The following BABAM2 variants were observed in gnomAD, a reference collection of about 807,000 sequenced individuals.
The protein encoded by BABAM2 is BRISC and BRCA1-A complex member 2.
A neutral mutation model predicts 54.7 loss-of-function variants in BABAM2; 31 were observed. The ratio of observed to expected loss-of-function variants is 0.57; its 90% CI spans 0.43 to 0.77. BABAM2 has a LOEUF of 0.77. Among genes scored for constraint, BABAM2 ranks in the 30% least tolerant of loss-of-function variants. The pLI is 0.00. For missense variants in BABAM2, 364 were observed against 455.8 expected, an observed-to-expected ratio of 0.80 and a Z score of 1.83; for synonymous variants, 167 against 162.9, an observed-to-expected ratio of 1.03 and a Z score of -0.19.
chr2:27,919,996 T>C, intron 2 of BABAM2, among the ~76,000 whole-genome samples: 1 of 152,198 alleles, frequency 6.6e-6, no homozygotes, highest in East Asian at 1.9e-4. Flanking sequence ...ATTTTGGTGA[T>C]GGCATTTTGG....
intron 6 of BABAM2, among the ~76,000 whole-genome samples, chr2:28,079,486 C>G (rs936596215): frequency 1.3e-5 from 2 of 152,100 alleles, no homozygotes; most frequent in African/African-American, 4.8e-5. Flanking sequence ...AAGCTCTTTG[C>G]TTCCTTTATT....
rs183051258 is a variant in BABAM2 at position 28,332,997 on chromosome 2, C to T, written c.1089-5453C>T. 3.5e-4 allele frequency among the ~76,000 whole-genome samples: 53 copies of T among 152,288 alleles called. 1 individual carries two copies. The highest frequency in any genetic ancestry group is 3.4e-3 in the Admixed American group (52 of 15,304). ...GCCTCGGGAAAGGCTGAACTGAGGACAAGGACCCTAGACCTCTCACAGGTT... is the reference window on the plus strand; with the variant it reads ...GCCTCGGGAAAGGCTGAACTGAGGATAAGGACCCTAGACCTCTCACAGGTT... On this transcript the variant is annotated intron_variant, in intron 11 of 11. Coordinates refer to ENST00000379624, the MANE Select transcript of BABAM2 (RefSeq NM_199191.3).
intron 6 of BABAM2, among the ~76,000 whole-genome samples, chr2:28,107,003 T>C (rs931943070): frequency 3.9e-5 from 6 of 152,224 alleles, no homozygotes; most frequent in Non-Finnish European, 2.9e-5. Context: ...TATTTGTAAC[T>C]TCCTTCTCTG....
intron 5 of BABAM2, among the ~76,000 whole-genome samples, chr2:28,029,769 T>G (rs1676161877): frequency 6.6e-6 from 1 of 152,192 alleles, no homozygotes; most frequent in Non-Finnish European, 1.5e-5. Context: ...TTTTGAGGAA[T>G]TTCCATACTG....
chr2:27,968,415 T>C (rs1670975855), intron 3 of BABAM2, among the ~76,000 whole-genome samples: 1 of 152,224 alleles, frequency 6.6e-6, no homozygotes, highest in South Asian at 2.1e-4. Context: ...AGAAGTTGTA[T>C]GGAAATGCCT....
intron 2 of BABAM2, among the ~76,000 whole-genome samples, chr2:27,914,369 T>C (rs1448663581): frequency 6.6e-6 from 1 of 152,216 alleles, no homozygotes; most frequent in African/African-American, 2.4e-5. Context: ...TGAAGATAGC[T>C]ATCATGTTTG....
intron 6 of BABAM2, among the ~76,000 whole-genome samples, chr2:28,080,642 A>G (rs546857826): frequency 6.6e-6 from 1 of 152,252 alleles, no homozygotes; most frequent in Admixed American, 6.5e-5. Context: ...TGTGTTCTGT[A>G]GACTACATTG....
rs2148238227 is a variant in BABAM2 at position 28,297,004 on chromosome 2, A to G, written c.935-1334A>G. ...TGCCTGGCCTAATTATCTGGTATGT[A>G]TTTTTAAATATATCTTCCTCATGTA... On this transcript the variant is annotated intron_variant, in intron 10 of 11. Coordinates refer to ENST00000379624, the MANE Select transcript of BABAM2 (RefSeq NM_199191.3). Among the ~76,000 whole-genome samples the G allele has an allele frequency of 3.9e-5, 6 of 152,252 alleles. 1 individual carries two copies. Among genetic ancestry groups the G allele is most frequent in the Admixed American group, 3.9e-4 (6 of 15,292 alleles).
intron 4 of BABAM2, among the ~76,000 whole-genome samples, chr2:28,012,780 T>C (rs1674488078): frequency 6.6e-6 from 1 of 152,206 alleles, no homozygotes; most frequent in Admixed American, 6.5e-5. Context: ...TTGGAGGGTA[T>C]TCTTTTCATT....
intron 3 of BABAM2, among the ~76,000 whole-genome samples, chr2:27,945,140 C>A (rs1447514268): frequency 2.6e-5 from 4 of 152,060 alleles, no homozygotes. Context: ...CTGCCTCAGC[C>A]TCCCAAATAG....
chr2:28,123,069 T>C (rs1669212847), intron 6 of BABAM2, among the ~76,000 whole-genome samples: 1 of 152,218 alleles, frequency 6.6e-6, no homozygotes, highest in African/African-American at 2.4e-5. Context: ...TTAGAAAAGC[T>C]AGTTCAGTGG....
chr2:28,025,120 T>G (rs1675552885), intron 4 of BABAM2, 106 bp from the exon 5 acceptor site: 1 of 1,068,058 alleles, frequency 9.4e-7, no homozygotes, highest in Non-Finnish European at 1.3e-6. Flanking sequence ...TCTGTTCCTC[T>G]TAGATTTCTA....
chr2:28,259,905 C>CTTTT (rs35967320), intron 10 of BABAM2, among the ~76,000 whole-genome samples: 1 of 146,480 alleles, frequency 6.8e-6, no homozygotes. Flanking sequence ...CTTCTGAATT[C>CTTTT]TTTTTTTTTT....
intron 10 of BABAM2, among the ~76,000 whole-genome samples, chr2:28,279,878 C>T (rs1482551289): frequency 2.0e-5 from 3 of 151,972 alleles, no homozygotes; most frequent in Non-Finnish European, 4.4e-5. Flanking sequence ...GTTGGTTAGG[C>T]TGATCCGAAG....
intron 5 of BABAM2, among the ~76,000 whole-genome samples, chr2:28,036,723 A>T (rs183601544): frequency 4.0e-4 from 61 of 152,304 alleles, no homozygotes; most frequent in Admixed American, 9.1e-4. Flanking sequence ...GTTTCATGAG[A>T]TCCCTCATAT....
intron 4 of BABAM2, among the ~76,000 whole-genome samples, chr2:27,991,146 C>T (rs1016875089): frequency 1.3e-5 from 2 of 152,230 alleles, no homozygotes; most frequent in African/African-American, 4.8e-5. Context: ...AATTGAAAAG[C>T]CTTTTAAAAA....
At chr2:28,023,614 G>A (rs1407475689) in intron 4 of BABAM2, among the ~76,000 whole-genome samples, 1 of 152,134 alleles carries the variant, frequency 6.6e-6, no homozygotes, top group Non-Finnish European at 1.5e-5. Context: ...TGATGCTGAA[G>A]CTCTTACCTT....
In BABAM2 at chr2:28,244,821, C is replaced by T; in HGVS notation, c.893C>T (p.Thr298Ile). 3 of 1,614,032 alleles carry T rather than the reference C, an allele frequency of 1.9e-6. No homozygotes were observed. The highest frequency in any genetic ancestry group is 2.5e-6 in the Non-Finnish European group (3 of 1,179,990). ...EYDAEGFTKL[T>I]LLLMWKDFCF... ...GATGCAGAAGGCTTTACAAAACTCACTCTGCTGCTGATGTGGAAAGATTTT... is the reference window on the plus strand; with the variant it reads ...GATGCAGAAGGCTTTACAAAACTCATTCTGCTGCTGATGTGGAAAGATTTT... Residue 298 changes from threonine to isoleucine, a missense_variant, in exon 10 of 12, where the codon ACT becomes ATT. Transcript: ENST00000379624.
chr2:27,926,299 T>C (rs1190519193), intron 2 of BABAM2, among the ~76,000 whole-genome samples: 18 of 152,144 alleles, frequency 1.2e-4, no homozygotes, highest in Admixed American at 1.2e-3. Flanking sequence ...CTCCCTCATT[T>C]ACTGTGTCCT....
Sources: gnomAD v4.1 joint callset for allele counts (sites outside exome capture counted in the v4.1 genomes callset) on GRCh38, gnomAD v4.1.1 for gene constraint, MANE v1.5 for transcripts, NCBI Gene and HGNC (gene_info 2026-07-23, HGNC 2026-07-21) for gene names.